Variants in BRD9 observed in about 807,000 individuals in gnomAD.
The protein encoded by BRD9 is bromodomain containing 9.
In BRD9, 47 loss-of-function variants were observed where a neutral mutation model predicts 68.7. The observed-to-expected ratio is 0.68, with a 90% confidence interval of 0.54 to 0.87. BRD9 has a LOEUF of 0.87. BRD9 is among the 40% of genes least tolerant of loss of function. BRD9 has a pLI of 0.00. For missense variants in BRD9, 670 were observed against 748.4 expected (o/e 0.90, Z 1.22); for synonymous variants, 313 against 293.9 (o/e 1.06, Z -0.67).
At chr5:869,588 C>T (rs1221880696) in intron 14 of BRD9, among the ~76,000 whole-genome samples, 2 of 152,116 alleles carry the variant, frequency 1.3e-5, no homozygotes, top group Non-Finnish European at 2.9e-5. Context: ...TGATGTTTGC[C>T]ATCTACTCTA....
intron 2 of BRD9, 61 bp downstream of exon 2, chr5:891,579 G>C (rs1000697228): frequency 1.3e-6 from 2 of 1,529,256 alleles, no homozygotes; most frequent in Non-Finnish European, 1.8e-6. Flanking sequence ...TGGGTCCTGG[G>C]ACCAGGCTCC....
rs1377222132 is a variant in BRD9 at position 892,596 on chromosome 5, G to A, written c.52+10C>T. On this transcript the variant is annotated intron_variant, in intron 1 of 15. Coordinates refer to ENST00000467963, the MANE Select transcript of BRD9 (RefSeq NM_023924.5). ...CGCCCGCCGCGCGTCACAAAGCGCC[G>A]CCGCCTCACCCTCGTAGGACGAGCG... is the stretch of plus-strand genomic sequence containing the variant. 1.2e-5 allele frequency: 18 copies of A among 1,535,148 alleles called. No individual in the cohort carries two copies. The highest frequency in any genetic ancestry group is 1.4e-5 in the Non-Finnish European group (16 of 1,140,494).
At chr5:880,988 G>A in intron 9 of BRD9, 119 bp downstream of exon 9, 1 of 1,025,284 alleles carries the variant, frequency 9.8e-7, no homozygotes, top group Non-Finnish European at 1.4e-6. Context: ...AGGTCGGGAA[G>A]CCGGGCAGCC....
In BRD9 at chr5:878,460, G is replaced by A. The variant is rs757335221; in HGVS notation, c.1166C>T (p.Ala389Val). Residue 389 changes from alanine to valine, a missense_variant, in exon 11 of 16, where the codon GCG becomes GTG. By Grantham distance (64) the Ala-to-Val change is moderately conservative. This residue lies in a region of BRD9 where 280 missense variants were observed against 281.5 expected (regional missense o/e 0.99). Transcript: ENST00000467963. ...TACTGAATTATTCTGCATCGAAAGC[G>A]CAGTAGTGGCACTGGAGAGAAAGGT... is the stretch of plus-strand genomic sequence containing the variant. ...KVTFLSSATTALSMQNNSVFG... is the reference protein window; with the variant it reads ...KVTFLSSATTVLSMQNNSVFG... 6.8e-6 allele frequency: 11 copies of A among 1,614,110 alleles called. No individual in the cohort carries two copies. Among genetic ancestry groups the A allele is most frequent in the Admixed American group, 1.7e-5 (1 of 60,012 alleles).
rs1750871888 is a variant in BRD9 at position 876,081 on chromosome 5, C to G, written c.1383+20G>C. Reference sequence around the variant, plus strand: ...CCCCAAGGGCACCTGCCCCCCAACCCCGGTGCGAGTGCAGCCCACCTGCTT... The same window carrying G: ...CCCCAAGGGCACCTGCCCCCCAACCGCGGTGCGAGTGCAGCCCACCTGCTT... On this transcript the variant is annotated intron_variant, in intron 12 of 15. Coordinates refer to ENST00000467963, the MANE Select transcript of BRD9 (RefSeq NM_023924.5). 2 of 1,580,026 alleles carry G rather than the reference C, an allele frequency of 1.3e-6. No individual in the cohort carries two copies. Among genetic ancestry groups the G allele is most frequent in the Non-Finnish European group, 1.7e-6 (2 of 1,153,450 alleles).
Position 887,361 on chromosome 5 carries a change from T to C in BRD9, c.717A>G (p.Lys239=). 1 of 1,609,674 alleles carries C rather than the reference T, an allele frequency of 6.2e-7. No homozygotes were observed. Among genetic ancestry groups the C allele is most frequent in the Non-Finnish European group, 8.5e-7 (1 of 1,176,128 alleles). The stretch of plus-strand genomic sequence containing the variant: ...TCGCTGCTGCCAGTGAGTTTCTTAC[T>C]TTGCTCATCATCTTAAAGCCTGCGT... ...ILHAGFKMMS[K]QAALLGNEDT... The change falls in exon 6 of 16, where the codon AAA becomes AAG. Residue 239 remains lysine, a splice_region_variant and synonymous_variant. Coordinates refer to ENST00000467963, the MANE Select transcript of BRD9 (RefSeq NM_023924.5).
At chr5:876,954 G>A (rs150403127) in intron 11 of BRD9, among the ~76,000 whole-genome samples, 80 of 152,368 alleles carry the variant, frequency 5.3e-4, no homozygotes, top group African/African-American at 1.9e-3. Flanking sequence ...GGATCTGGGT[G>A]TCTGTGCGCT....
intron 7 of BRD9, 103 bp from the exon 8 acceptor site, chr5:884,173 A>C: frequency 6.9e-7 from 1 of 1,453,206 alleles, no homozygotes; most frequent in South Asian, 1.2e-5. Flanking sequence ...CCCTGCCCTC[A>C]GACACAGAGC....
intron 12 of BRD9, 81 bp downstream of exon 12, chr5:876,020 G>A: frequency 1.0e-6 from 1 of 960,778 alleles, no homozygotes; most frequent in Non-Finnish European, 1.6e-6. Context: ...GTCCCCGAAA[G>A]CCTGGTCAGG....
chr5:892,746 G>A lies in BRD9; in HGVS notation c.-89C>T, dbSNP rs191242621. 1.3e-3 allele frequency: 1,507 copies of A among 1,190,812 alleles called. 14 individuals carry two copies. In the African/African-American group the frequency reaches 0.021, roughly 17 times the overall value. 73.8% of individuals were successfully genotyped at this position (1,190,812 alleles called of 1,614,324 possible). A position where few individuals can be genotyped will look rare whatever the true frequency, so the allele number is the denominator to read the frequency against. ...CCGCCACCGCCCCCTGGCCCTGGCT[G>A]GCCGCCCGCGCTCGCTGCGCCGAGG... On this transcript the variant is annotated 5_prime_UTR_variant, in exon 1 of 16. Coordinates refer to ENST00000467963, the MANE Select transcript of BRD9 (RefSeq NM_023924.5).
intron 1 of BRD9, chr5:892,089 G>C (rs6864340): frequency 0.074 from 44,757 of 607,086 alleles, 2,839 homozygotes; most frequent in Admixed American, 0.2. Flanking sequence ...GTCCTCACCA[G>C]AGGCCCTGTG....
At chr5:881,017 C>T (rs1003387858) in intron 9 of BRD9, 90 bp downstream of exon 9, 71 of 1,372,874 alleles carry the variant, frequency 5.2e-5, no homozygotes, top group Middle Eastern at 3.6e-4. Flanking sequence ...TGCCCCATGG[C>T]CATGGCTCAG....
chr5:884,656 G>A (rs1424502001), intron 7 of BRD9, among the ~76,000 whole-genome samples: 1 of 152,276 alleles, frequency 6.6e-6, no homozygotes, highest in Non-Finnish European at 1.5e-5. Flanking sequence ...AGAAGCAAGC[G>A]AGTGGGCTCC....
chr5:864,208 C>T lies in BRD9; in HGVS notation c.*260G>A. 1 of 315,964 alleles carries T rather than the reference C, an allele frequency of 3.2e-6. No individual in the cohort carries two copies. Among genetic ancestry groups the T allele is most frequent in the Non-Finnish European group, 6.1e-6 (1 of 164,878 alleles). 19.6% of individuals were successfully genotyped at this position (315,964 alleles called of 1,614,324 possible). On this transcript the variant is annotated 3_prime_UTR_variant, in exon 16 of 16. Coordinates refer to ENST00000467963, the MANE Select transcript of BRD9 (RefSeq NM_023924.5). ...GCCCTTCGTGTATGACTCCACTCCT[C>T]AGGGTTCACGGGGCTGTGTACAGAG...
intron 12 of BRD9, among the ~76,000 whole-genome samples, chr5:872,142 G>C (rs1212828457): frequency 6.6e-6 from 1 of 152,234 alleles, no homozygotes; most frequent in Non-Finnish European, 1.5e-5. Flanking sequence ...CACAACTGTC[G>C]GCCTCCGTGG....
chr5:888,485 A>G (rs1305998430), intron 5 of BRD9: 1 of 152,342 alleles, frequency 6.6e-6, no homozygotes, highest in African/African-American at 2.4e-5. Context: ...ATGCCTTTCT[A>G]AACTACACTA....
At chr5:887,546 G>C (rs553583048) in intron 5 of BRD9, 75 bp from the exon 6 acceptor site, 2 of 1,100,236 alleles carry the variant, frequency 1.8e-6, no homozygotes, top group East Asian at 2.3e-5. Flanking sequence ...TGACTACCAA[G>C]AGACCAAAAG....
rs370455680 is a variant in BRD9 at position 885,046 on chromosome 5, C to T, written c.834-976G>A. Among the ~76,000 whole-genome samples, 38 of 152,324 alleles carry T rather than the reference C, an allele frequency of 2.5e-4. No individual in the cohort carries two copies. The South Asian group carries it at 7.7e-3, about 31-fold the overall frequency. ...TGGGTCTGCCAGGACACAACCCCAC[C>T]GCAGCTGAGCATGCTGACCAGCACC... On this transcript the variant is annotated intron_variant, in intron 7 of 15. Transcript: ENST00000467963.
chr5:881,075 G>A, intron 9 of BRD9, 32 bp downstream of exon 9: 1 of 1,607,140 alleles, frequency 6.2e-7, no homozygotes, highest in South Asian at 1.1e-5. Context: ...AGTGTACGGA[G>A]AGCATAAAGC....
Sources: gnomAD v4.1 joint callset for allele counts (sites outside exome capture counted in the v4.1 genomes callset) on GRCh38, gnomAD v4.1.1 for gene constraint, gnomAD v4.1.1 regional missense constraint, MANE v1.5 for transcripts, NCBI Gene and HGNC (gene_info 2026-07-23, HGNC 2026-07-21) for gene names.